The following ATG7 variants were observed in gnomAD, a reference collection of about 807,000 sequenced individuals.
The protein encoded by ATG7 is ubiquitin-like modifier-activating enzyme ATG7.
In ATG7, 70 loss-of-function variants were observed where a neutral mutation model predicts 82.4. The ratio of observed to expected loss-of-function variants is 0.85; its 90% CI spans 0.70 to 1.04. ATG7 has a LOEUF of 1.04. Ranked by LOEUF, ATG7 falls within the 50% of genes least tolerant of loss-of-function variation. The pLI is 0.00. For missense variants in ATG7, 792 were observed against 864.3 expected (o/e 0.92, Z 1.05); for synonymous variants, 287 against 313.0 (o/e 0.92, Z 0.88).
chr3:11,392,449 G>A (rs962644922), intron 19 of ATG7, among the ~76,000 whole-genome samples: 2 of 142,652 alleles, frequency 1.4e-5, no homozygotes, highest in Non-Finnish European at 3.1e-5. Flanking sequence ...GGTGGTTTTG[G>A]GGAAATCATT....
intron 1 of ATG7, among the ~76,000 whole-genome samples, chr3:11,280,052 C>CTT (rs564180940): frequency 5.6e-5 from 8 of 142,004 alleles, no homozygotes; most frequent in Non-Finnish European, 9.2e-5. Flanking sequence ...CTTTTCTTTT[C>CTT]TTTTTTTTTT....
At chr3:11,474,053 C>A (rs1397256382) in intron 20 of ATG7, among the ~76,000 whole-genome samples, 1 of 152,240 alleles carries the variant, frequency 6.6e-6, no homozygotes, top group Non-Finnish European at 1.5e-5. Flanking sequence ...TTATATGCCA[C>A]TTAGTTGAGT....
intron 20 of ATG7, among the ~76,000 whole-genome samples, chr3:11,523,270 A>G (rs940865180): frequency 6.6e-6 from 1 of 152,134 alleles, no homozygotes; most frequent in Non-Finnish European, 1.5e-5. Flanking sequence ...GGGGGAGTGC[A>G]GGGGAGGGGA....
chr3:11,434,040 C>T (rs183182363), intron 20 of ATG7, among the ~76,000 whole-genome samples: 11 of 152,298 alleles, frequency 7.2e-5, no homozygotes, highest in Non-Finnish European at 1.5e-4. Flanking sequence ...AAAAACATTA[C>T]GGTCATGTGA....
At chr3:11,563,403 G>C in the ATG7 span, among the ~76,000 whole-genome samples, 19 of 152,254 alleles carry the variant, frequency 1.2e-4, no homozygotes, top group Non-Finnish European at 2.1e-4. Context: ...GGGGAGCAGT[G>C]AGCGGGTCCC....
intron 20 of ATG7, among the ~76,000 whole-genome samples, chr3:11,549,974 A>G (rs2071625667): frequency 1.3e-5 from 2 of 152,228 alleles, no homozygotes; most frequent in Middle Eastern, 3.4e-3. Flanking sequence ...TTCCCTGAGG[A>G]CTGCAAACTG....
chr3:11,299,468 G>C (rs1191876980), intron 5 of ATG7, 52 bp downstream of exon 5: 2 of 1,545,372 alleles, frequency 1.3e-6, no homozygotes, highest in African/African-American at 1.4e-5. Flanking sequence ...CTTTTGGCAA[G>C]GAATAAGCAT....
At chr3:11,389,301 C>T (rs570201732) in intron 19 of ATG7, among the ~76,000 whole-genome samples, 1 of 151,040 alleles carries the variant, frequency 6.6e-6, no homozygotes, top group African/African-American at 2.4e-5. Flanking sequence ...CTGAAGTTAC[C>T]CTTATGACTT....
intron 20 of ATG7, among the ~76,000 whole-genome samples, chr3:11,519,549 T>TTTTTG (rs2092381950): frequency 1.3e-5 from 1 of 75,474 alleles, no homozygotes; most frequent in Admixed American, 1.3e-4. Flanking sequence ...GTTTTTTTTT[T>TTTTTG]TTTTTTTTTT....
chr3:11,525,487 T>G (rs13325556), intron 20 of ATG7, among the ~76,000 whole-genome samples: 18,937 of 147,020 alleles, frequency 0.13, 1,709 homozygotes, highest in Middle Eastern at 0.2. Flanking sequence ...TGCCCTTGTA[T>G]GTGACAGATG....
intron 20 of ATG7, among the ~76,000 whole-genome samples, chr3:11,468,763 A>G (rs945142622): frequency 6.6e-6 from 1 of 152,160 alleles, no homozygotes; most frequent in Non-Finnish European, 1.5e-5. Context: ...ACTGTACGCA[A>G]AATGTTACGT....
intron 1 of ATG7, among the ~76,000 whole-genome samples, chr3:11,279,609 G>A (rs369267375): frequency 1.1e-4 from 17 of 152,220 alleles, no homozygotes; most frequent in East Asian, 7.7e-4. Flanking sequence ...GCTTGAACCC[G>A]GGAGGCAGAG....
chr3:11,520,884 A>C (rs1349398333), intron 20 of ATG7, among the ~76,000 whole-genome samples: 3 of 152,196 alleles, frequency 2.0e-5, no homozygotes, highest in Admixed American at 1.3e-4. Flanking sequence ...AGAAGTAGGC[A>C]CAGTTGGTTG....
chr3:11,429,954 A>AG (rs2082722313), intron 20 of ATG7, among the ~76,000 whole-genome samples: 1 of 151,402 alleles, frequency 6.6e-6, no homozygotes, highest in Non-Finnish European at 1.5e-5. Flanking sequence ...TCAGGAAAAA[A>AG]AAAAAAAAAA....
intron 18 of ATG7, among the ~76,000 whole-genome samples, chr3:11,373,546 GCTT>G (rs1430539022): frequency 3.3e-5 from 5 of 152,268 alleles, no homozygotes; most frequent in South Asian, 2.1e-4. Context: ...AGTTCCAGGG[GCTT>G]CTTCTGATGA....
chr3:11,378,014 A>T (rs1284367931), intron 18 of ATG7, among the ~76,000 whole-genome samples: 4 of 103,298 alleles, frequency 3.9e-5, no homozygotes, highest in Admixed American at 2.2e-4. Context: ...TATCTAACTT[A>T]TACCAGTTAC....
chr3:11,317,474 G>A (rs1949581814), intron 9 of ATG7, among the ~76,000 whole-genome samples: 1 of 151,676 alleles, frequency 6.6e-6, no homozygotes, highest in Admixed American at 6.6e-5. Flanking sequence ...TGTGAAACAA[G>A]CGTTAGTTAC....
chr3:11,545,719 C>G (rs2071222379), intron 20 of ATG7, among the ~76,000 whole-genome samples: 1 of 152,126 alleles, frequency 6.6e-6, no homozygotes, highest in Non-Finnish European at 1.5e-5. Flanking sequence ...TCTCTGTTGT[C>G]AGCCCCCCTG....
In ATG7 at chr3:11,340,683, G is replaced by T. The variant is rs1174451964; in HGVS notation, c.928G>T (p.Gly310Ter). 1 of 1,613,760 alleles carries T rather than the reference G, an allele frequency of 6.2e-7. No individual in the cohort carries two copies. The highest frequency in any genetic ancestry group is 1.3e-5 in the African/African-American group (1 of 74,882). ...KAVGWEKNQKGGMGPRMVNLS... is the reference protein window; with the variant it reads ...KAVGWEKNQK Reference sequence around the variant, plus strand: ...AGTTGGATGGGAAAAGAACCAGAAAGGAGGCATGGGACCAAGGATGGTGAA... The same window carrying T: ...AGTTGGATGGGAAAAGAACCAGAAATGAGGCATGGGACCAAGGATGGTGAA... Residue 310 changes from glycine to a stop codon, truncating the protein, a stop_gained, in exon 12 of 21, where the codon GGA (glycine) becomes TGA (stop). Coordinates refer to ENST00000693202, the MANE Select transcript of ATG7 (RefSeq NM_001349232.2). LOFTEE classifies it high-confidence loss of function.
Sources: gnomAD v4.1 joint callset for allele counts (sites outside exome capture counted in the v4.1 genomes callset) on GRCh38, gnomAD v4.1.1 for gene constraint, MANE v1.5 for transcripts, NCBI Gene and HGNC (gene_info 2026-07-23, HGNC 2026-07-21) for gene names.